Variants in PCA3 observed in about 807,000 individuals in gnomAD.
PCA3 encodes the protein Differential Display code 3.
chr9:76,773,571 G>A (rs570404774), intron 2 of PCA3, among the ~76,000 whole-genome samples: 1 of 151,576 alleles, frequency 6.6e-6, no homozygotes, highest in Non-Finnish European at 1.5e-5. Flanking sequence ...AGCCTCCTGA[G>A]TAGCTGGGAT....
chr9:76,772,632 C>G (rs550036254), intron 2 of PCA3, among the ~76,000 whole-genome samples: 1 of 152,124 alleles, frequency 6.6e-6, no homozygotes, highest in Non-Finnish European at 1.5e-5. Context: ...GGTGCAATCA[C>G]AGTTCACTGT....
At chr9:76,774,456 T>TATTTATTTATTTATTTATTTA (rs770848796) in intron 2 of PCA3, among the ~76,000 whole-genome samples, 2 of 133,814 alleles carry the variant, frequency 1.5e-5, no homozygotes, top group Admixed American at 7.6e-5. Flanking sequence ...AACCCTTTTT[T>TATTTATTTATTTATTTATTTA]TTTTTTTTTT....
At chr9:76,783,925 A>G (rs1347314010) in intron 2 of PCA3, 1 of 152,168 alleles carries the variant, frequency 6.6e-6, no homozygotes, top group Non-Finnish European at 1.5e-5. Context: ...CTACTCAGAA[A>G]TTTTTGATGG....
Position 76,773,438 on chromosome 9 carries a change from CTT to C in PCA3, n.853-35124_853-35123del, listed in dbSNP as rs35078779. Among the ~76,000 whole-genome samples the C allele has an allele frequency of 7.0e-3, 749 of 107,566 alleles. 3 individuals are homozygous for C. The highest frequency in any genetic ancestry group is 0.023 in the African/African-American group (653 of 27,912). 70.6% of individuals were successfully genotyped at this position (107,566 alleles called of 152,430 possible). A position where few individuals can be genotyped will look rare whatever the true frequency, so the allele number is the denominator to read the frequency against. ...TCACATCACATACACACTAGTACAT[CTT>C]TTTTTTTTTTTTTTTTTTTTGAGAC... On this transcript the variant is annotated intron_variant and non_coding_transcript_variant, in intron 2 of 5. Transcript: ENST00000644657.
At chr9:76,768,024 C>T (rs200110529) in intron 2 of PCA3, among the ~76,000 whole-genome samples, 1 of 152,294 alleles carries the variant, frequency 6.6e-6, no homozygotes, top group African/African-American at 2.4e-5. Flanking sequence ...TCCAGCTATA[C>T]GTGCATCACA....
chr9:76,770,811 C>T (rs1352931390), intron 2 of PCA3, among the ~76,000 whole-genome samples: 1 of 152,034 alleles, frequency 6.6e-6, no homozygotes, highest in African/African-American at 2.4e-5. Context: ...TGGAGAAATC[C>T]AGAAATGACT....
chr9:76,780,597 AG>A (rs2054275878), intron 2 of PCA3, among the ~76,000 whole-genome samples: 1 of 152,168 alleles, frequency 6.6e-6, no homozygotes, highest in African/African-American at 2.4e-5. Flanking sequence ...AGGCTGAGGC[AG>A]GAGAATGGCG....
At chr9:76,785,376 A>G (rs1322283073) in intron 2 of PCA3, 3 of 152,242 alleles carry the variant, frequency 2.0e-5, no homozygotes, top group Admixed American at 6.5e-5. Context: ...ATGAAATGCA[A>G]GAGCCACAGA....
At chr9:76,777,235 A>G (rs2053903619) in intron 2 of PCA3, among the ~76,000 whole-genome samples, 1 of 152,182 alleles carries the variant, frequency 6.6e-6, no homozygotes, top group Admixed American at 6.6e-5. Context: ...GGATTCCACA[A>G]TGAAGTAGGA....
chr9:76,765,931 C>T lies in PCA3; in HGVS notation n.852+29316C>T, dbSNP rs144750651. Among the ~76,000 whole-genome samples, 6 of 152,090 alleles carry T rather than the reference C, an allele frequency of 3.9e-5. No individual in the cohort carries two copies. In the East Asian group the frequency reaches 1.2e-3, roughly 30 times the overall value. ...GACGCGGTGGCTCACGCCTATAATC[C>T]CAGTACTTTGGGAGGCCAAGGCAGG... On this transcript the variant is annotated intron_variant and non_coding_transcript_variant, in intron 2 of 5. Transcript: ENST00000644657.
Position 76,768,213 on chromosome 9 carries a change from G to A in PCA3, n.852+31598G>A, listed in dbSNP as rs2052641296. On this transcript the variant is annotated intron_variant and non_coding_transcript_variant, in intron 2 of 5. Transcript: ENST00000644657. ...TCAATGATTTTCCTTTTTTTTTTGA[G>A]ATGGATTCTCGCTCTGTCGCCCAGG... Among the ~76,000 whole-genome samples, 3 of 150,700 alleles carry A rather than the reference G, an allele frequency of 2.0e-5. No individual in the cohort carries two copies. In the South Asian group the frequency reaches 6.3e-4, roughly 32 times the overall value.
At chr9:76,766,959 C>A (rs532604572) in intron 2 of PCA3, among the ~76,000 whole-genome samples, 1 of 152,272 alleles carries the variant, frequency 6.6e-6, no homozygotes, top group African/African-American at 2.4e-5. Flanking sequence ...TGTTTATCAT[C>A]TACCTCTCCC....
At chr9:76,779,453 T>C (rs12350478) in intron 2 of PCA3, among the ~76,000 whole-genome samples, 7,917 of 152,266 alleles carry the variant, frequency 0.052, 637 homozygotes, top group African/African-American at 0.17. Flanking sequence ...ATCTTTCTTA[T>C]GGGATGCACT....
intron 2 of PCA3, among the ~76,000 whole-genome samples, chr9:76,776,299 C>A (rs577974175): frequency 3.3e-5 from 5 of 152,182 alleles, no homozygotes; most frequent in African/African-American, 1.2e-4. Flanking sequence ...CGCCTTCCCA[C>A]CTTTTGGACT....
At chr9:76,783,764 A>G (rs985722022) in intron 2 of PCA3, 2 of 152,176 alleles carry the variant, frequency 1.3e-5, no homozygotes, top group African/African-American at 4.8e-5. Flanking sequence ...GCTGAAATGG[A>G]GATAATTAAC....
intron 2 of PCA3, among the ~76,000 whole-genome samples, chr9:76,769,990 A>G (rs190459624): frequency 2.0e-4 from 31 of 152,354 alleles, no homozygotes; most frequent in Admixed American, 1.7e-3. Context: ...AGAGCAGTGA[A>G]GTCCATTTCT....
intron 2 of PCA3, chr9:76,783,725 C>CT (rs1197846839): frequency 1.3e-5 from 2 of 152,176 alleles, no homozygotes; most frequent in African/African-American, 4.8e-5. Flanking sequence ...AGAAAGGCTG[C>CT]TGACTTTACC....
At chr9:76,777,934 T>G (rs562887130) in intron 2 of PCA3, among the ~76,000 whole-genome samples, 10 of 152,240 alleles carry the variant, frequency 6.6e-5, no homozygotes, top group African/African-American at 2.4e-4. Context: ...AAAAGCATGC[T>G]TGCTGTGTTC....
At position 76,773,442 on chromosome 9, in the gene PCA3, T is replaced by C. The variant is rs1180963130; in HGVS notation, n.853-35141T>C. ...ATCACATACACACTAGTACATCTTT[T>C]TTTTTTTTTTTTTTTTTTGAGACAG... On this transcript the variant is annotated intron_variant and non_coding_transcript_variant, in intron 2 of 5. Coordinates refer to ENST00000644657, the Ensembl canonical transcript of PCA3. Among the ~76,000 whole-genome samples, 3 of 128,566 alleles carry C rather than the reference T, an allele frequency of 2.3e-5. No individual in the cohort carries two copies. The East Asian group carries it at 5.9e-4, about 25-fold the overall frequency. The allele number at this position is 128,566 out of a possible 152,430, so 84.3% of individuals were successfully genotyped here. A position where few individuals can be genotyped will look rare whatever the true frequency, so the allele number is the denominator to read the frequency against.
Sources: allele counts gnomAD v4.1 joint callset (sites outside exome capture counted in the v4.1 genomes callset), GRCh38; gene constraint gnomAD v4.1.1; transcripts MANE v1.5; gene names NCBI Gene and HGNC (gene_info 2026-07-23, HGNC 2026-07-21).